Variants in LOC122455340 observed in about 807,000 individuals in gnomAD.
the LOC122455340 span, chr12:53,242,144 G>A: frequency 4.0e-5 from 16 of 396,756 alleles, no homozygotes; most frequent in African/African-American, 1.7e-4. Context: ...CCAGCCTCCC[G>A]GGCCCACCCT....
chr12:53,242,493 T>C, the LOC122455340 span: 1 of 398,386 alleles, frequency 2.5e-6, no homozygotes, highest in East Asian at 3.6e-5. Context: ...ACTTCCGTAC[T>C]GCTGCCCTGG....
At chr12:53,242,083 C>G in the LOC122455340 span, 1 of 400,646 alleles carries the variant, frequency 2.5e-6, no homozygotes, top group Non-Finnish European at 4.4e-6. Flanking sequence ...CCCCCACCCC[C>G]ATGCTCCTGC....
At chr12:53,242,201 T>A in the LOC122455340 span, 3 of 400,260 alleles carry the variant, frequency 7.5e-6, no homozygotes, top group Non-Finnish European at 1.3e-5. Context: ...CCTTGACTTG[T>A]CCCCATAACT....
chr12:53,242,168 C>A, the LOC122455340 span: 2 of 401,606 alleles, frequency 5.0e-6, no homozygotes, highest in Non-Finnish European at 4.4e-6. Context: ...CCTGCTCTTG[C>A]CCCCGCTGCC....
At chr12:53,242,711 C>A in the LOC122455340 span, 1 of 303,732 alleles carries the variant, frequency 3.3e-6, no homozygotes. Context: ...GCCTCCCCCA[C>A]GGCCCCTGAA....
At chr12:53,242,398 G>A in the LOC122455340 span, 1 of 398,084 alleles carries the variant, frequency 2.5e-6, no homozygotes, top group East Asian at 3.6e-5. Flanking sequence ...TGCTGCTTCA[G>A]GGGACAACAA....
At chr12:53,241,951 G>A in the LOC122455340 span, 1 of 399,146 alleles carries the variant, frequency 2.5e-6, no homozygotes, top group Admixed American at 4.4e-5. Flanking sequence ...CTACGCTTGG[G>A]GCCTAGGAAT....
the LOC122455340 span, chr12:53,242,321 C>T: frequency 2.5e-6 from 1 of 398,818 alleles, no homozygotes; most frequent in African/African-American, 2.1e-5. Context: ...GTTTAGGCTG[C>T]AGTGATAGCT....
At chr12:53,242,564 G>A in the LOC122455340 span, 1 of 397,398 alleles carries the variant, frequency 2.5e-6, no homozygotes, top group Non-Finnish European at 4.4e-6. Flanking sequence ...CCTCAAGCAG[G>A]TAGAGGCAGC....
the LOC122455340 span, chr12:53,242,704 T>C: frequency 3.2e-6 from 1 of 317,056 alleles, no homozygotes; most frequent in Non-Finnish European, 5.7e-6. Flanking sequence ...TCTCAGAGCC[T>C]CCCCCACGGC....
At chr12:53,242,349 G>T in the LOC122455340 span, 2 of 398,164 alleles carry the variant, frequency 5.0e-6, no homozygotes, top group Non-Finnish European at 8.8e-6. Flanking sequence ...TGGCCAAGGG[G>T]CTGCCTGGGG....
the LOC122455340 span, chr12:53,242,654 G>A: frequency 2.6e-6 from 1 of 380,028 alleles, no homozygotes; most frequent in Middle Eastern, 6.6e-4. Context: ...GCTGGTTCCA[G>A]AACCTCTTCC....
At chr12:53,242,689 GTTC>G in the LOC122455340 span, 2 of 342,438 alleles carry the variant, frequency 5.8e-6, no homozygotes, top group Non-Finnish European at 1.0e-5. Flanking sequence ...AATGGAAGGT[GTTC>G]TTCTCAGAGC....
At chr12:53,242,208 A>G in the LOC122455340 span, 3 of 399,482 alleles carry the variant, frequency 7.5e-6, no homozygotes, top group Middle Eastern at 6.2e-4. Flanking sequence ...TTGTCCCCAT[A>G]ACTCCTGTGT....
At chr12:53,242,425 G>A in the LOC122455340 span, 6 of 396,422 alleles carry the variant, frequency 1.5e-5, no homozygotes, top group Admixed American at 8.9e-5. Flanking sequence ...TCTCGGGGGC[G>A]CTGTCTGATC....
the LOC122455340 span, chr12:53,242,661 T>C: frequency 2.7e-6 from 1 of 373,650 alleles, no homozygotes; most frequent in South Asian, 1.5e-4. Flanking sequence ...CCAGAACCTC[T>C]TCCTCTGCAA....
the LOC122455340 span, chr12:53,241,920 T>C: frequency 1.0e-5 from 4 of 398,912 alleles, no homozygotes; most frequent in East Asian, 1.4e-4. Context: ...CAACTGCAGC[T>C]GAATGGACTT....
At chr12:53,242,707 C>A in the LOC122455340 span, 19 of 314,184 alleles carry the variant, frequency 6.0e-5, no homozygotes. Context: ...CAGAGCCTCC[C>A]CCACGGCCCC....
chr12:53,242,166 T>A, the LOC122455340 span: 3 of 401,386 alleles, frequency 7.5e-6, no homozygotes, highest in Non-Finnish European at 1.3e-5. Context: ...CACCTGCTCT[T>A]GCCCCCGCTG....
Sources: gnomAD v4.1 joint callset for allele counts on GRCh38, gnomAD v4.1.1 for gene constraint, MANE v1.5 for transcripts.